The following ELP3 variants were observed in gnomAD, a reference collection of about 807,000 sequenced individuals.
ELP3 encodes elongator acetyltransferase complex subunit 3, also known as elongator complex protein 3.
ELP3 carries 56 observed loss-of-function variants against 74.9 expected under a neutral mutation model. That is an observed-to-expected ratio of 0.75 (90% CI 0.60 to 0.93). ELP3 has a LOEUF of 0.93. Ranked by LOEUF, ELP3 falls within the 40% of genes least tolerant of loss-of-function variation. The pLI is 0.00. For missense variants in ELP3, 573 were observed against 686.5 expected (o/e 0.83, Z 1.85); for synonymous variants, 222 against 239.8 (o/e 0.93, Z 0.68).
At chr8:28,118,939 G>T (rs1326982430) in intron 7 of ELP3, 2 of 148,212 alleles carry the variant, frequency 1.3e-5, no homozygotes, top group Non-Finnish European at 3.0e-5. Flanking sequence ...TTACCTGTCT[G>T]AGAAAAGCTG....
chr8:28,130,978 T>A (rs754573461), intron 8 of ELP3, among the ~76,000 whole-genome samples: 19 of 152,292 alleles, frequency 1.2e-4, no homozygotes, highest in Non-Finnish European at 2.5e-4. Flanking sequence ...CCAGCACGCA[T>A]AAAGCTACAA....
intron 14 of ELP3, among the ~76,000 whole-genome samples, chr8:28,163,497 T>C (rs1426834631): frequency 2.0e-5 from 3 of 152,180 alleles, no homozygotes; most frequent in East Asian, 3.9e-4. Flanking sequence ...TTGAGGTTTT[T>C]GGCATTATCC....
chr8:28,146,128 G>A (rs1813422244), intron 10 of ELP3, among the ~76,000 whole-genome samples: 1 of 151,872 alleles, frequency 6.6e-6, no homozygotes, highest in South Asian at 2.1e-4. Context: ...TTTTATGACA[G>A]TTGAGTTAGG....
intron 10 of ELP3, among the ~76,000 whole-genome samples, chr8:28,140,307 C>T (rs1563269426): frequency 6.6e-6 from 1 of 152,080 alleles, no homozygotes; most frequent in Non-Finnish European, 1.5e-5. Flanking sequence ...AAAGGGCTCC[C>T]ATTGGCCAAA....
At chr8:28,159,721 T>G (rs865816196) in intron 12 of ELP3, among the ~76,000 whole-genome samples, 7 of 152,168 alleles carry the variant, frequency 4.6e-5, no homozygotes, top group African/African-American at 1.7e-4. Flanking sequence ...AAGTGCCCTG[T>G]GGGAGGCCAC....
At chr8:28,142,343 C>T (rs1813275808) in intron 10 of ELP3, among the ~76,000 whole-genome samples, 1 of 152,136 alleles carries the variant, frequency 6.6e-6, no homozygotes, top group Non-Finnish European at 1.5e-5. Context: ...GGAGAATTGG[C>T]CCATAGGAGA....
chr8:28,109,796 T>G (rs1449466573), intron 5 of ELP3, among the ~76,000 whole-genome samples: 1 of 152,224 alleles, frequency 6.6e-6, no homozygotes, highest in Non-Finnish European at 1.5e-5. Flanking sequence ...CTCAAAAAAT[T>G]ATGAGGTTTG....
At chr8:28,135,168 T>C (rs893820588) in intron 9 of ELP3, among the ~76,000 whole-genome samples, 6 of 152,096 alleles carry the variant, frequency 3.9e-5, no homozygotes, top group African/African-American at 1.4e-4. Context: ...GACCTCGTGA[T>C]CCGCCCGCCT....
chr8:28,148,902 A>C (rs73668161), intron 10 of ELP3, among the ~76,000 whole-genome samples: 5,207 of 152,298 alleles, frequency 0.034, 324 homozygotes, highest in African/African-American at 0.12. Context: ...TCATGTGTTG[A>C]AATCCATACC....
In ELP3 at chr8:28,160,498, C is replaced by T. The variant is rs747157316; in HGVS notation, c.1485+42C>T. On this transcript the variant is annotated intron_variant, in intron 13 of 14. Coordinates refer to ENST00000256398, the MANE Select transcript of ELP3 (RefSeq NM_018091.6). Reference sequence around the variant, plus strand: ...TTCTATTTGACTTCTAAGAAACTGCCTAAGTAGGAAAAGAGAAAAGGAATG... The same window carrying T: ...TTCTATTTGACTTCTAAGAAACTGCTTAAGTAGGAAAAGAGAAAAGGAATG... The T allele has an allele frequency of 5.8e-6, 9 of 1,552,838 alleles. No individual in the cohort carries two copies. In the South Asian group the frequency reaches 9.3e-5, roughly 16 times the overall value.
At chr8:28,115,803 A>T (rs1379106143) in intron 7 of ELP3, among the ~76,000 whole-genome samples, 1 of 152,178 alleles carries the variant, frequency 6.6e-6, no homozygotes, top group Non-Finnish European at 1.5e-5. Context: ...ATGTGTGTGC[A>T]CATCATCAGA....
At chr8:28,169,905 G>A (rs1008287697) in intron 14 of ELP3, among the ~76,000 whole-genome samples, 4 of 151,972 alleles carry the variant, frequency 2.6e-5, no homozygotes, top group Admixed American at 6.6e-5. Context: ...GCCATCCCTC[G>A]TGGGCCCATT....
At chr8:28,146,873 C>T (rs2130510328) in intron 10 of ELP3, among the ~76,000 whole-genome samples, 1 of 152,288 alleles carries the variant, frequency 6.6e-6, no homozygotes, top group South Asian at 2.1e-4. Flanking sequence ...CTCATAGTGG[C>T]AGACGTAAAT....
chr8:28,093,073 G>C (rs1585620466), upstream of ELP3: 2 of 1,402,348 alleles, frequency 1.4e-6, no homozygotes, highest in Non-Finnish European at 2.0e-6. Flanking sequence ...CTTTGTGCAC[G>C]TCGGCTTCCG....
intron 10 of ELP3, among the ~76,000 whole-genome samples, chr8:28,138,438 T>C (rs1813083104): frequency 6.6e-6 from 1 of 152,248 alleles, no homozygotes. Flanking sequence ...TCTACCTATT[T>C]ATACTTACAT....
At chr8:28,130,888 A>G (rs746284816) in intron 8 of ELP3, among the ~76,000 whole-genome samples, 42 of 152,316 alleles carry the variant, frequency 2.8e-4, no homozygotes, top group Non-Finnish European at 5.0e-4. Flanking sequence ...TGAGGCTGAA[A>G]AGCAGGCAGA....
At chr8:28,097,134 C>A in intron 1 of ELP3, 85 bp from the exon 2 acceptor site, 1 of 846,060 alleles carries the variant, frequency 1.2e-6, no homozygotes. Flanking sequence ...TGTATGGTTT[C>A]GGATGGAAAA....
intron 11 of ELP3, among the ~76,000 whole-genome samples, chr8:28,157,007 C>T (rs1813853016): frequency 6.6e-6 from 1 of 152,138 alleles, no homozygotes; most frequent in East Asian, 1.9e-4. Flanking sequence ...CTCCAAGGCT[C>T]CAGCTGTTTG....
At chr8:28,185,682 G>A (rs776801655) in intron 14 of ELP3, among the ~76,000 whole-genome samples, 4 of 152,198 alleles carry the variant, frequency 2.6e-5, no homozygotes, top group Non-Finnish European at 5.9e-5. Context: ...TTAGCAGACA[G>A]AATGGGCGGC....
Sources: allele counts gnomAD v4.1 joint callset (sites outside exome capture counted in the v4.1 genomes callset), GRCh38; gene constraint gnomAD v4.1.1; transcripts MANE v1.5; gene names NCBI Gene and HGNC (gene_info 2026-07-23, HGNC 2026-07-21).